Variants in BCAS3 observed in about 807,000 individuals in gnomAD.
BCAS3 encodes BCAS4/BCAS3 fusion.
A neutral mutation model predicts 116.1 loss-of-function variants in BCAS3; 53 were observed. That is an observed-to-expected ratio of 0.46 (90% CI 0.37 to 0.57). BCAS3 has a LOEUF of 0.57. BCAS3 is among the 20% of genes least tolerant of loss of function. The pLI, the probability that BCAS3 is intolerant of heterozygous loss-of-function variation, is 0.00. For synonymous variants in BCAS3, 391 were observed against 408.2 expected, an observed-to-expected ratio of 0.96 and a Z score of 0.51; for missense variants, 917 against 1,165.4, an observed-to-expected ratio of 0.79 and a Z score of 3.10.
At chr17:61,045,563 C>T (rs923304906) in intron 19 of BCAS3, among the ~76,000 whole-genome samples, 9 of 150,322 alleles carry the variant, frequency 6.0e-5, no homozygotes, top group Non-Finnish European at 1.2e-4. Flanking sequence ...GCCTGTAATC[C>T]CAGCACTTTT....
In BCAS3 at chr17:61,233,255, T is replaced by C. The variant is rs1443123725; in HGVS notation, c.2426-135072T>C. ...GAAGGTTCTGAATGCCCAAGTTTCA[T>C]TTAGGAAGCTTCACACCTTTGAGCC... is the stretch of plus-strand genomic sequence containing the variant. On this transcript the variant is annotated intron_variant, in intron 22 of 23. Coordinates refer to ENST00000407086, the MANE Select transcript of BCAS3 (RefSeq NM_017679.5). The surrounding 1 kb of genome is among the most constrained non-coding windows in gnomAD (Gnocchi z 4.3). Among the ~76,000 whole-genome samples the C allele has an allele frequency of 2.0e-5, 3 of 152,174 alleles. No individual in the cohort carries two copies. The highest frequency in any genetic ancestry group is 4.4e-5 in the Non-Finnish European group (3 of 68,014).
At chr17:60,922,387 A>G (rs1347666531) in intron 12 of BCAS3, among the ~76,000 whole-genome samples, 1 of 152,130 alleles carries the variant, frequency 6.6e-6, no homozygotes, top group Non-Finnish European at 1.5e-5. Flanking sequence ...GGCCTCCCAA[A>G]GTGCTGGGAT....
intron 22 of BCAS3, among the ~76,000 whole-genome samples, chr17:61,168,236 T>C (rs2144101162): frequency 6.6e-6 from 1 of 152,274 alleles, no homozygotes; most frequent in Non-Finnish European, 1.5e-5. Context: ...TCCCCTCTGT[T>C]AACTCCCACA....
intron 19 of BCAS3, among the ~76,000 whole-genome samples, chr17:61,050,147 G>C (rs888920992): frequency 6.6e-6 from 1 of 152,000 alleles, no homozygotes; most frequent in African/African-American, 2.4e-5. Context: ...TCAGATTCAT[G>C]AAAGCTTAAA....
At chr17:60,806,066 G>A (rs1248076633) in intron 6 of BCAS3, among the ~76,000 whole-genome samples, 1 of 151,504 alleles carries the variant, frequency 6.6e-6, no homozygotes, top group Non-Finnish European at 1.5e-5. Flanking sequence ...AACTAGAGAT[G>A]GGGTTTCACC....
chr17:60,893,431 G>T (rs2057307136), intron 10 of BCAS3, among the ~76,000 whole-genome samples: 1 of 151,896 alleles, frequency 6.6e-6, no homozygotes. Context: ...AGAGATAGGG[G>T]TCTGGTTTCA....
In BCAS3 at chr17:61,083,275, A is replaced by AT. The variant is rs1272322421; in HGVS notation, c.2328-1191dup. On this transcript the variant is annotated intron_variant, in intron 21 of 23. Coordinates refer to ENST00000407086, the MANE Select transcript of BCAS3 (RefSeq NM_017679.5). The surrounding 1 kb of genome is among the most constrained non-coding windows in gnomAD (Gnocchi z 4.9). ...TGAGCTTTTACTATTTATGTCATTC[A>AT]TATTTACACTTTAGTTTTATTTTGC... Among the ~76,000 whole-genome samples, 1 of 152,156 alleles carries AT rather than the reference A, an allele frequency of 6.6e-6. No individual in the cohort carries two copies. Among genetic ancestry groups the AT allele is most frequent in the African/African-American group, 2.4e-5 (1 of 41,396 alleles).
intron 21 of BCAS3, among the ~76,000 whole-genome samples, chr17:61,081,972 A>G (rs536214889): frequency 2.0e-5 from 3 of 152,290 alleles, no homozygotes; most frequent in East Asian, 1.9e-4. Flanking sequence ...ACCAATAATA[A>G]TATGTAGTGC....
At chr17:60,838,064 C>G (rs1348604205) in intron 7 of BCAS3, among the ~76,000 whole-genome samples, 1 of 151,988 alleles carries the variant, frequency 6.6e-6, no homozygotes, top group East Asian at 1.9e-4. Context: ...TACAAGAACT[C>G]AGGGAAGACA....
rs538038279 is a variant in BCAS3, at chr17:60,731,780, A to ATTTTTTTTTTTT, written c.322-15413_322-15402dup. 5.8e-4 allele frequency among the ~76,000 whole-genome samples: 73 copies of ATTTTTTTTTTTT among 125,944 alleles called. 2 individuals are homozygous for ATTTTTTTTTTTT. The highest frequency in any genetic ancestry group is 2.0e-3 in the African/African-American group (69 of 33,694). The allele number at this position is 125,944 out of a possible 152,430, so 82.6% of individuals were successfully genotyped here. On this transcript the variant is annotated intron_variant, in intron 5 of 23. Transcript: ENST00000407086. Reference sequence around the variant, plus strand: ...TCATGTATCCGCTTATCACCCTCCTATTTTTTTTTTTTTTTTGAGGCAGAG... The same window carrying ATTTTTTTTTTTT: ...TCATGTATCCGCTTATCACCCTCCTATTTTTTTTTTTTTTTTTTTTTTTTTTTTGAGGCAGAG...
chr17:61,321,582 G>A (rs556976559), intron 22 of BCAS3, among the ~76,000 whole-genome samples: 85 of 152,202 alleles, frequency 5.6e-4, no homozygotes, highest in Non-Finnish European at 1.1e-3. Flanking sequence ...CCTGCAGGCC[G>A]CCAGGCTGCT....
chr17:60,839,309 C>G (rs990288607), intron 7 of BCAS3, among the ~76,000 whole-genome samples: 1 of 152,032 alleles, frequency 6.6e-6, no homozygotes, highest in Non-Finnish European at 1.5e-5. Context: ...ATAAAGGAAA[C>G]TTACTTTCTT....
chr17:60,834,526 T>C (rs1480974314), intron 7 of BCAS3, among the ~76,000 whole-genome samples: 2 of 151,992 alleles, frequency 1.3e-5, no homozygotes, highest in Non-Finnish European at 2.9e-5. Flanking sequence ...ATTTCATATG[T>C]GTACTCAAAC....
In BCAS3 at chr17:61,368,068, C is replaced by G. The variant is rs1004186597; in HGVS notation, c.2426-259C>G. The G allele has an allele frequency of 3.5e-5, 12 of 347,336 alleles. No homozygotes were observed. The highest frequency in any genetic ancestry group is 1.5e-3 in the Middle Eastern group (2 of 1,326). 21.5% of individuals were successfully genotyped at this position (347,336 alleles called of 1,614,324 possible). ...ACTTCTTAAGGTGGTCCCTGAAGAC[C>G]AGGGGAACCCTGTAGCTCCTCAGAA... is the stretch of plus-strand genomic sequence containing the variant. On this transcript the variant is annotated intron_variant, in intron 22 of 23. Coordinates refer to ENST00000407086, the MANE Select transcript of BCAS3 (RefSeq NM_017679.5). The surrounding 1 kb of genome is among the most constrained non-coding windows in gnomAD (Gnocchi z 6.0).
At chr17:60,902,750 T>C in intron 11 of BCAS3, 47 bp downstream of exon 11, 1 of 1,368,092 alleles carries the variant, frequency 7.3e-7, no homozygotes, top group Non-Finnish European at 1.0e-6. Flanking sequence ...GTGTAGTAAT[T>C]GTTCAGATTT....
intron 7 of BCAS3, among the ~76,000 whole-genome samples, chr17:60,814,656 C>T (rs1462680117): frequency 6.6e-6 from 1 of 152,162 alleles, no homozygotes; most frequent in African/African-American, 2.4e-5. Flanking sequence ...GCAAAAGATA[C>T]TTTTGTTATT....
intron 1 of BCAS3, among the ~76,000 whole-genome samples, chr17:60,679,211 C>T (rs1265274391): frequency 6.6e-6 from 1 of 152,140 alleles, no homozygotes; most frequent in Non-Finnish European, 1.5e-5. Flanking sequence ...GGCGACAGAG[C>T]GAGACTCTAT....
In BCAS3 at chr17:61,326,571, T is replaced by A. The variant is rs1255310417; in HGVS notation, c.2426-41756T>A. On this transcript the variant is annotated intron_variant, in intron 22 of 23. Coordinates refer to ENST00000407086, the MANE Select transcript of BCAS3 (RefSeq NM_017679.5). The surrounding 1 kb of genome is among the most constrained non-coding windows in gnomAD (Gnocchi z 5.3). Reference sequence around the variant, plus strand: ...GCAAATAGAAGTGGACAGTAATGAGTGTTATTTAGGAGGTAGATTCCACAG... The same window carrying A: ...GCAAATAGAAGTGGACAGTAATGAGAGTTATTTAGGAGGTAGATTCCACAG... Among the ~76,000 whole-genome samples, 4 of 151,728 alleles carry A rather than the reference T, an allele frequency of 2.6e-5. No individual in the cohort carries two copies. Among genetic ancestry groups the A allele is most frequent in the African/African-American group, 9.7e-5 (4 of 41,230 alleles).
Position 61,051,532 on chromosome 17 carries a change from G to C in BCAS3, c.2029+10640G>C, listed in dbSNP as rs1442907454. On this transcript the variant is annotated intron_variant, in intron 19 of 23. Transcript: ENST00000407086. This position sits in a 1 kb window ranked among gnomAD's most constrained non-coding sequence, Gnocchi z 4.1. ...TTTCTGATTTTGCAACTGAGTGAAA[G>C]GTACACAGAGTATCACTGTACTATT... Among the ~76,000 whole-genome samples, 1 of 152,130 alleles carries C rather than the reference G, an allele frequency of 6.6e-6. No individual in the cohort carries two copies. Among genetic ancestry groups the C allele is most frequent in the African/African-American group, 2.4e-5 (1 of 41,422 alleles).
Sources: gnomAD v4.1 joint callset for allele counts (sites outside exome capture counted in the v4.1 genomes callset) on GRCh38, gnomAD v4.1.1 for gene constraint, Gnocchi (gnomAD v3.1) non-coding constraint, MANE v1.5 for transcripts, NCBI Gene and HGNC (gene_info 2026-07-23, HGNC 2026-07-21) for gene names.